SLC15A2: variants seen among roughly 807,000 people sequenced by gnomAD.
SLC15A2 encodes kidney H(+)/peptide cotransporter.
Under a neutral mutation model 95.5 loss-of-function variants are expected in SLC15A2, and 77 were observed. That is an observed-to-expected ratio of 0.81 (90% CI 0.67 to 0.97). The LOEUF (loss-of-function observed/expected upper bound fraction) is 0.97, where lower values mean the gene tolerates loss of function less well. SLC15A2 is among the 50% of genes least tolerant of loss of function. The pLI, the probability that SLC15A2 is intolerant of heterozygous loss-of-function variation, is 0.00. For synonymous variants in SLC15A2, 306 were observed against 306.9 expected (o/e 1.00, Z 0.03); for missense variants, 893 against 874.4 (o/e 1.02, Z -0.27).
At chr3:121,896,590 G>A in intron 2 of SLC15A2, 97 bp downstream of exon 2, 1 of 957,424 alleles carries the variant, frequency 1.0e-6, no homozygotes, top group Non-Finnish European at 1.7e-6. Flanking sequence ...TATTTCCCGA[G>A]TCCACTCTTT....
chr3:121,930,967 T>C lies in SLC15A2; in HGVS notation c.1664+17T>C, dbSNP rs938214745. ...AAGAGGAGAGTAAGTGCATTGCCCC[T>C]GTGGACATTTTACTTTTGTCAATAA... On this transcript the variant is annotated intron_variant, in intron 18 of 21. Transcript: ENST00000489711. 2 of 1,484,218 alleles carry C rather than the reference T, an allele frequency of 1.3e-6. No homozygotes were observed. Among genetic ancestry groups the C allele is most frequent in the African/African-American group, 2.8e-5 (2 of 72,376 alleles). The allele number at this position is 1,484,218 out of a possible 1,614,324, so 91.9% of individuals were successfully genotyped here.
rs948127731 is a variant in SLC15A2, at chr3:121,915,787, T to C, written c.697+94T>C. 16 of 867,942 alleles carry C rather than the reference T, an allele frequency of 1.8e-5. No homozygotes were observed. In the African/African-American group the frequency reaches 2.5e-4, roughly 13 times the overall value. 53.8% of individuals were successfully genotyped at this position (867,942 alleles called of 1,614,324 possible). ...ACTTTACACAAGCTGTTTCATTCAA[T>C]CCTCACACCAGGCCTATTGGGTAAC... On this transcript the variant is annotated intron_variant, in intron 7 of 21. Coordinates refer to ENST00000489711, the MANE Select transcript of SLC15A2 (RefSeq NM_021082.4).
At chr3:121,917,053 C>T (rs1490652331) in intron 7 of SLC15A2, among the ~76,000 whole-genome samples, 1 of 152,136 alleles carries the variant, frequency 6.6e-6, no homozygotes, top group Non-Finnish European at 1.5e-5. Flanking sequence ...ATCTCCTGAC[C>T]TTGTGATCTG....
At chr3:121,921,081 C>A (rs1303303838) in intron 7 of SLC15A2, among the ~76,000 whole-genome samples, 1 of 152,042 alleles carries the variant, frequency 6.6e-6, no homozygotes, top group Non-Finnish European at 1.5e-5. Flanking sequence ...AATGAAATTC[C>A]CTTACAATTA....
chr3:121,929,653 C>T (rs954940032), intron 17 of SLC15A2, among the ~76,000 whole-genome samples: 4 of 152,106 alleles, frequency 2.6e-5, no homozygotes, highest in Non-Finnish European at 5.9e-5. Flanking sequence ...TCTCTGTGAT[C>T]GCCAGAGAGA....
At chr3:121,901,621 A>G (rs1357854881) in intron 3 of SLC15A2, among the ~76,000 whole-genome samples, 2 of 151,324 alleles carry the variant, frequency 1.3e-5, no homozygotes, top group Non-Finnish European at 2.9e-5. Flanking sequence ...TGTGTGTAAC[A>G]TATACAAACA....
intron 3 of SLC15A2, among the ~76,000 whole-genome samples, chr3:121,904,477 G>A (rs1416821625): frequency 6.6e-6 from 1 of 152,178 alleles, no homozygotes; most frequent in African/African-American, 2.4e-5. Context: ...GTATGATATT[G>A]GCTGTGGGTT....
intron 20 of SLC15A2, 37 bp downstream of exon 20, chr3:121,939,532 T>C: frequency 8.2e-6 from 12 of 1,462,772 alleles, no homozygotes; most frequent in Non-Finnish European, 9.1e-6. Flanking sequence ...AATTGAGGCA[T>C]TGCTTGAAGG....
intron 5 of SLC15A2, among the ~76,000 whole-genome samples, chr3:121,913,660 G>A (rs866929): frequency 0.45 from 67,864 of 152,030 alleles, 15,680 homozygotes; most frequent in East Asian, 0.69. Context: ...GCAAGGAAAC[G>A]TAATGAATGT....
rs1300257304 is a variant in SLC15A2 at position 121,929,154 on chromosome 3, G to T, written c.1506+8G>T. The T allele has an allele frequency of 1.2e-6, 2 of 1,608,686 alleles. No homozygotes were observed. The highest frequency in any genetic ancestry group is 2.2e-5 in the South Asian group (2 of 90,448). ...AGTATCTCCAGCATGATGGTAATTT[G>T]AGGAATTGCCTGTGTTTTCAGTTGT... is the stretch of plus-strand genomic sequence containing the variant. On this transcript the variant is annotated splice_region_variant and intron_variant, in intron 16 of 21. Transcript: ENST00000489711.
rs757424360 is a variant in SLC15A2, at chr3:121,925,018, G to A, written c.1109G>A (p.Cys370Tyr). The A allele has an allele frequency of 5.0e-6, 8 of 1,611,872 alleles. No individual in the cohort carries two copies. In the East Asian group the frequency reaches 8.9e-5, roughly 18 times the overall value. Residue 370 changes from cysteine to tyrosine, a missense_variant, in exon 13 of 22, where the codon TGT becomes TAT. Physicochemically the swap from Cys to Tyr is radical, Grantham distance 194 (BLOSUM62 -2). Coordinates refer to ENST00000489711, the MANE Select transcript of SLC15A2 (RefSeq NM_021082.4). ...GTCATTTATCGTCTGGTCTCCAAGTGTGGAATTAACTTCTCGTAAGTGTTC... is the reference window on the plus strand; with the variant it reads ...GTCATTTATCGTCTGGTCTCCAAGTATGGAATTAACTTCTCGTAAGTGTTC... Reference protein sequence around the residue: ...DFVIYRLVSKCGINFSSLRKM... With the variant: ...DFVIYRLVSKYGINFSSLRKM...
At chr3:121,934,496 T>A (rs950053312) in intron 19 of SLC15A2, among the ~76,000 whole-genome samples, 1 of 151,812 alleles carries the variant, frequency 6.6e-6, no homozygotes, top group Non-Finnish European at 1.5e-5. Flanking sequence ...GTAAGTTGGA[T>A]TCCTAGGTAT....
chr3:121,923,377 A>C (rs1423128327), intron 11 of SLC15A2, 111 bp downstream of exon 11: 3 of 1,086,876 alleles, frequency 2.8e-6, no homozygotes, highest in Non-Finnish European at 4.1e-6. Flanking sequence ...TCTTCAGAGA[A>C]GTGCTTTTAG....
chr3:121,908,579 A>G (rs995788043), intron 3 of SLC15A2, among the ~76,000 whole-genome samples: 2 of 152,118 alleles, frequency 1.3e-5, no homozygotes, highest in Non-Finnish European at 2.9e-5. Flanking sequence ...GGGTCTGTAT[A>G]GTATGTCCTT....
intron 19 of SLC15A2, among the ~76,000 whole-genome samples, chr3:121,937,585 G>A (rs1286455090): frequency 4.0e-5 from 6 of 150,908 alleles, no homozygotes; most frequent in African/African-American, 7.3e-5. Context: ...CATTCTTCAC[G>A]TAGTTCTCGA....
chr3:121,927,676 C>G, intron 13 of SLC15A2, 82 bp from the exon 14 acceptor site: 1 of 1,017,428 alleles, frequency 9.8e-7, no homozygotes. Context: ...CTAATGCAGT[C>G]TTTAATAATA....
intron 14 of SLC15A2, 137 bp from the exon 15 acceptor site, chr3:121,928,284 C>A: frequency 9.0e-7 from 1 of 1,109,332 alleles, no homozygotes; most frequent in Non-Finnish European, 1.3e-6. Context: ...GTTTTCTAAG[C>A]CAAATATTTT....
At chr3:121,935,872 A>G (rs1466508475) in intron 19 of SLC15A2, among the ~76,000 whole-genome samples, 2 of 151,712 alleles carry the variant, frequency 1.3e-5, no homozygotes, top group African/African-American at 2.4e-5. Context: ...GTCAATTTTG[A>G]ATCTTTCCTG....
chr3:121,913,085 G>A lies in SLC15A2; in HGVS notation c.493G>A (p.Ala165Thr). The A allele has an allele frequency of 6.2e-7, 1 of 1,613,936 alleles. No individual in the cohort carries two copies. Among genetic ancestry groups the A allele is most frequent in the Non-Finnish European group, 8.5e-7 (1 of 1,179,858 alleles). ...GACAGGAGGCATCAAACCCTGTGTG[G>A]CAGCTTTTGGTGGAGACCAGTTTGA... The part of the protein sequence containing the change: ...LGTGGIKPCV[A>T]AFGGDQFEEK... The change falls in exon 5 of 22, where the codon GCA (alanine) becomes ACA (threonine). Residue 165 changes from alanine (A) to threonine (T), a missense_variant. Transcript: ENST00000489711.
Sources: gnomAD v4.1 joint callset for allele counts (sites outside exome capture counted in the v4.1 genomes callset) on GRCh38, gnomAD v4.1.1 for gene constraint, MANE v1.5 for transcripts, NCBI Gene and HGNC (gene_info 2026-07-23, HGNC 2026-07-21) for gene names.